Variants in TTC29 observed in about 807,000 individuals in gnomAD.
TTC29 encodes tetratricopeptide repeat domain 29.
Under a neutral mutation model 58.1 loss-of-function variants are expected in TTC29, and 49 were observed. The ratio of observed to expected loss-of-function variants is 0.84; its 90% CI spans 0.67 to 1.07. The LOEUF (loss-of-function observed/expected upper bound fraction) is 1.07, where lower values mean the gene tolerates loss of function less well. Ranked by LOEUF, TTC29 falls within the 50% of genes least tolerant of loss-of-function variation. The pLI is 0.00. For missense variants in TTC29, 582 were observed against 555.6 expected (o/e 1.05, Z -0.48); for synonymous variants, 209 against 196.8 (o/e 1.06, Z -0.52).
At chr4:146,722,536 G>A (rs777546055) in intron 11 of TTC29, among the ~76,000 whole-genome samples, 2 of 151,854 alleles carry the variant, frequency 1.3e-5, no homozygotes, top group Non-Finnish European at 2.9e-5. Flanking sequence ...ACGGCCACCT[G>A]ATTTTTGACA....
intron 7 of TTC29, among the ~76,000 whole-genome samples, chr4:146,874,056 T>C (rs1731099290): frequency 6.6e-6 from 1 of 152,190 alleles, no homozygotes; most frequent in South Asian, 2.1e-4. Flanking sequence ...TTATATTTTA[T>C]ACATACAGAA....
At chr4:146,866,177 T>A (rs572610132) in intron 8 of TTC29, among the ~76,000 whole-genome samples, 3 of 152,156 alleles carry the variant, frequency 2.0e-5, no homozygotes, top group Non-Finnish European at 4.4e-5. Flanking sequence ...TGAATTTTAT[T>A]GTATTGTTTG....
chr4:146,922,899 A>G (rs1363455838), intron 4 of TTC29, among the ~76,000 whole-genome samples: 1 of 151,838 alleles, frequency 6.6e-6, no homozygotes, highest in Non-Finnish European at 1.5e-5. Flanking sequence ...TAAAATAACA[A>G]TAGCTGGAGA....
intron 11 of TTC29, among the ~76,000 whole-genome samples, chr4:146,793,414 G>A (rs967461346): frequency 7.2e-5 from 11 of 152,158 alleles, no homozygotes; most frequent in African/African-American, 2.2e-4. Context: ...ATGACTTGCC[G>A]TAGGCTCAGA....
chr4:146,934,922 C>CAACTGAGTTTATG (rs1367278597), intron 4 of TTC29, among the ~76,000 whole-genome samples: 1 of 152,008 alleles, frequency 6.6e-6, no homozygotes, highest in Non-Finnish European at 1.5e-5. Context: ...TATTTAGAGT[C>CAACTGAGTTTATG]AACTGAGGCA....
chr4:146,803,998 G>A (rs1016527122), intron 10 of TTC29, among the ~76,000 whole-genome samples: 2 of 152,188 alleles, frequency 1.3e-5, no homozygotes, highest in Non-Finnish European at 2.9e-5. Context: ...AGCATCCAGT[G>A]AGCTCAACAC....
intron 11 of TTC29, among the ~76,000 whole-genome samples, chr4:146,722,070 C>G (rs201528041): frequency 0.038 from 5 of 132 alleles, no homozygotes; most frequent in East Asian, 0.1. Context: ...AATAGACACA[C>G]ACACACACAC....
chr4:146,931,000 G>A (rs556823644), intron 4 of TTC29, among the ~76,000 whole-genome samples: 3 of 152,252 alleles, frequency 2.0e-5, no homozygotes, highest in Admixed American at 6.5e-5. Flanking sequence ...CTAAAACTGC[G>A]AGTTTATCTG....
chr4:146,850,574 T>C (rs1729452658), intron 8 of TTC29, among the ~76,000 whole-genome samples: 1 of 152,186 alleles, frequency 6.6e-6, no homozygotes, highest in Admixed American at 6.5e-5. Flanking sequence ...GCCAAGAGCT[T>C]GGTGACAAAA....
intron 11 of TTC29, among the ~76,000 whole-genome samples, chr4:146,730,283 A>T (rs1744228435): frequency 6.6e-6 from 1 of 152,160 alleles, no homozygotes; most frequent in Non-Finnish European, 1.5e-5. Context: ...GCTGGAGGGC[A>T]TTACCCTAAG....
At chr4:146,794,437 C>G (rs1749688423) in intron 11 of TTC29, among the ~76,000 whole-genome samples, 1 of 152,106 alleles carries the variant, frequency 6.6e-6, no homozygotes. Flanking sequence ...TTCCCCTTTT[C>G]CATAATCCTG....
chr4:146,841,935 T>C (rs907910852), intron 8 of TTC29, among the ~76,000 whole-genome samples: 6 of 152,128 alleles, frequency 3.9e-5, no homozygotes, highest in Admixed American at 2.0e-4. Flanking sequence ...GTCTAAGGAT[T>C]TGAACAAAAC....
In TTC29 at chr4:146,790,183, CT is replaced by C. The variant is rs888891230; in HGVS notation, c.1330+13273del. ...CACCAAATCCAAACCCAATCACTTT[CT>C]TTTTTTTTTTTTCTTTTTTTTTGAG... On this transcript the variant is annotated intron_variant, in intron 11 of 12. Transcript: ENST00000325106. Among the ~76,000 whole-genome samples, 500 of 145,702 alleles carry C rather than the reference CT, an allele frequency of 3.4e-3. 1 individual carries two copies. Among genetic ancestry groups the C allele is most frequent in the Non-Finnish European group, 4.2e-3 (277 of 65,614 alleles).
chr4:146,794,945 CT>C (rs1236206135), intron 11 of TTC29, among the ~76,000 whole-genome samples: 1 of 152,086 alleles, frequency 6.6e-6, no homozygotes, highest in Non-Finnish European at 1.5e-5. Flanking sequence ...TTTTAGGTAT[CT>C]GATTTCATAT....
At chr4:146,812,753 G>A (rs1579733434) in intron 10 of TTC29, 2 of 152,144 alleles carry the variant, frequency 1.3e-5, no homozygotes, top group African/African-American at 4.8e-5. Context: ...ATTTGTATAC[G>A]TACCATTTTA....
intron 10 of TTC29, among the ~76,000 whole-genome samples, chr4:146,805,821 C>G (rs541344030): frequency 3.3e-5 from 5 of 152,202 alleles, no homozygotes; most frequent in Non-Finnish European, 5.9e-5. Flanking sequence ...CTTCAGGATA[C>G]TATATGGGAG....
chr4:146,829,035 T>A (rs951166106), intron 9 of TTC29, among the ~76,000 whole-genome samples: 4 of 152,236 alleles, frequency 2.6e-5, no homozygotes, highest in Admixed American at 2.6e-4. Context: ...AAATGTTAGA[T>A]AAATATTAAT....
intron 11 of TTC29, among the ~76,000 whole-genome samples, chr4:146,786,430 C>T (rs937346071): frequency 1.3e-5 from 2 of 152,142 alleles, no homozygotes; most frequent in African/African-American, 4.8e-5. Context: ...GATGTCACAT[C>T]ACTTGTTTTA....
chr4:146,726,094 C>G (rs1490581494), intron 11 of TTC29, among the ~76,000 whole-genome samples: 3 of 152,074 alleles, frequency 2.0e-5, no homozygotes, highest in Non-Finnish European at 2.9e-5. Flanking sequence ...AGGCTGGTCT[C>G]AAACTCCTGT....
Sources: gnomAD v4.1 joint callset for allele counts (sites outside exome capture counted in the v4.1 genomes callset) on GRCh38, gnomAD v4.1.1 for gene constraint, MANE v1.5 for transcripts, NCBI Gene and HGNC (gene_info 2026-07-23, HGNC 2026-07-21) for gene names.